The following GRID1 variants were observed in gnomAD, a reference collection of about 807,000 sequenced individuals.
GRID1 encodes glutamate ionotropic receptor delta type subunit 1.
Under a neutral mutation model 98.0 loss-of-function variants are expected in GRID1, and 28 were observed. That is an observed-to-expected ratio of 0.29 (90% CI 0.21 to 0.39). The LOEUF (loss-of-function observed/expected upper bound fraction) is 0.39. GRID1 is among the 10% of genes least tolerant of loss of function. The pLI is 1.00. For synonymous variants in GRID1, 553 were observed against 538.5 expected, an observed-to-expected ratio of 1.03 and a Z score of -0.37; for missense variants, 1,111 against 1,340.5, an observed-to-expected ratio of 0.83 and a Z score of 2.67.
chr10:85,988,274 G>A (rs1028847435), intron 4 of GRID1, among the ~76,000 whole-genome samples: 1 of 152,140 alleles, frequency 6.6e-6, no homozygotes, highest in Non-Finnish European at 1.5e-5. Context: ...TGATCCTCAG[G>A]GGCAGAGGTG....
intron 2 of GRID1, among the ~76,000 whole-genome samples, chr10:86,251,893 C>A (rs1846839338): frequency 6.6e-6 from 1 of 152,222 alleles, no homozygotes; most frequent in Admixed American, 6.5e-5. Context: ...ATCCTGTGAG[C>A]ACAAACCTCC....
At chr10:85,822,541 A>G (rs370126202) in intron 8 of GRID1, among the ~76,000 whole-genome samples, 14 of 152,218 alleles carry the variant, frequency 9.2e-5, no homozygotes, top group Middle Eastern at 3.4e-3. Context: ...GGAAACAACA[A>G]GTGCTGGAGA....
chr10:86,177,065 C>T (rs1845585365), intron 3 of GRID1, among the ~76,000 whole-genome samples: 1 of 151,746 alleles, frequency 6.6e-6, no homozygotes, highest in African/African-American at 2.4e-5. Flanking sequence ...TGTCTGGTGC[C>T]CTTCGCCCCC....
At chr10:85,863,747 G>A (rs1041020956) in intron 6 of GRID1, among the ~76,000 whole-genome samples, 4 of 152,214 alleles carry the variant, frequency 2.6e-5, no homozygotes, top group African/African-American at 4.8e-5. Context: ...TGTGCCTGCC[G>A]GGTGGCCAGG....
Position 85,978,115 on chromosome 10 carries a change from A to G in GRID1, c.727-61876T>C, listed in dbSNP as rs555054676. Among the ~76,000 whole-genome samples, 4 of 152,344 alleles carry G rather than the reference A, an allele frequency of 2.6e-5. No individual in the cohort carries two copies. The East Asian group carries it at 5.8e-4, about 22-fold the overall frequency. On this transcript the variant is annotated intron_variant, in intron 4 of 15. Transcript: ENST00000327946. ...TTCTTGCTTAAGTTCATGCAAAGCC[A>G]TCAACAAGTGGTCCCGCAGTGGACA...
At chr10:85,647,099 G>T in intron 13 of GRID1, 103 bp downstream of exon 13, 1 of 867,190 alleles carries the variant, frequency 1.2e-6, no homozygotes. Context: ...CAGGTAACAG[G>T]GCTGCTCAGA....
chr10:85,716,251 C>T (rs2132642477), intron 12 of GRID1, among the ~76,000 whole-genome samples: 1 of 152,144 alleles, frequency 6.6e-6, no homozygotes. Flanking sequence ...ACATTATTGT[C>T]CCTTTGTAGG....
At chr10:85,703,653 A>G (rs1044771696) in intron 12 of GRID1, among the ~76,000 whole-genome samples, 8 of 152,254 alleles carry the variant, frequency 5.3e-5, no homozygotes, top group Non-Finnish European at 8.8e-5. Context: ...AAAGAAAACC[A>G]CTGGAGATTA....
intron 4 of GRID1, among the ~76,000 whole-genome samples, chr10:85,985,983 C>T (rs1842603956): frequency 6.6e-6 from 1 of 152,212 alleles, no homozygotes; most frequent in Non-Finnish European, 1.5e-5. Context: ...AATATTAATA[C>T]CCACCCCACA....
chr10:85,682,070 G>A (rs114777668), intron 12 of GRID1, among the ~76,000 whole-genome samples: 1 of 152,230 alleles, frequency 6.6e-6, no homozygotes, highest in African/African-American at 2.4e-5. Context: ...AGACAGACAT[G>A]CCTTCTCAGA....
chr10:86,086,723 T>C (rs1414511180), intron 4 of GRID1, among the ~76,000 whole-genome samples: 1 of 152,178 alleles, frequency 6.6e-6, no homozygotes. Flanking sequence ...TGTGCAAGTG[T>C]CTGTGTGTGT....
intron 8 of GRID1, among the ~76,000 whole-genome samples, chr10:85,798,926 T>C (rs2132750240): frequency 6.6e-6 from 1 of 152,270 alleles, no homozygotes. Flanking sequence ...AGTTATTGCC[T>C]AGACCAATGT....
At chr10:85,712,701 G>A (rs1408444114) in intron 12 of GRID1, among the ~76,000 whole-genome samples, 1 of 151,594 alleles carries the variant, frequency 6.6e-6, no homozygotes, top group Non-Finnish European at 1.5e-5. Context: ...AATTTAAGAA[G>A]ACTGAAATCA....
intron 3 of GRID1, among the ~76,000 whole-genome samples, chr10:86,196,629 T>A (rs1258206733): frequency 6.6e-6 from 1 of 152,114 alleles, no homozygotes; most frequent in African/African-American, 2.4e-5. Flanking sequence ...CTCACTGTGA[T>A]TCATATGTGT....
chr10:85,911,825 T>A (rs745434019), intron 5 of GRID1, among the ~76,000 whole-genome samples: 1 of 152,186 alleles, frequency 6.6e-6, no homozygotes, highest in Non-Finnish European at 1.5e-5. Context: ...CTGACTCTCC[T>A]GGCATCTGCT....
In GRID1 at chr10:86,311,167, T is replaced by C. The variant is rs368343504; in HGVS notation, c.235+52774A>G. Among the ~76,000 whole-genome samples, 6 of 152,332 alleles carry C rather than the reference T, an allele frequency of 3.9e-5. No individual in the cohort carries two copies. The East Asian group carries it at 7.7e-4, about 20-fold the overall frequency. Reference sequence around the variant, plus strand: ...CTTGTTCAATCCTCCAAGAGCCTACTGAGCCGGAGTTATTCCCTCATTACC... The same window carrying C: ...CTTGTTCAATCCTCCAAGAGCCTACCGAGCCGGAGTTATTCCCTCATTACC... On this transcript the variant is annotated intron_variant, in intron 2 of 15. Coordinates refer to ENST00000327946, the MANE Select transcript of GRID1 (RefSeq NM_017551.3).
chr10:85,769,755 G>A (rs904310676), intron 8 of GRID1, among the ~76,000 whole-genome samples: 19 of 152,188 alleles, frequency 1.2e-4, no homozygotes, highest in Non-Finnish European at 2.4e-4. Flanking sequence ...ACTGCAAGGC[G>A]GCAGTGAGGC....
chr10:85,787,056 G>A (rs11201797), intron 8 of GRID1, among the ~76,000 whole-genome samples: 1 of 152,216 alleles, frequency 6.6e-6, no homozygotes, highest in Non-Finnish European at 1.5e-5. Context: ...ATGCCTTGCA[G>A]CCCTGGTTAG....
chr10:86,049,164 C>G (rs1304314662), intron 4 of GRID1, among the ~76,000 whole-genome samples: 5 of 152,216 alleles, frequency 3.3e-5, no homozygotes, highest in Non-Finnish European at 5.9e-5. Context: ...GTATTGACAA[C>G]AGGCCTGTCA....
Sources: gnomAD v4.1 joint callset for allele counts (sites outside exome capture counted in the v4.1 genomes callset) on GRCh38, gnomAD v4.1.1 for gene constraint, MANE v1.5 for transcripts, NCBI Gene and HGNC (gene_info 2026-07-23, HGNC 2026-07-21) for gene names.